Variants in GRIN2A observed in about 807,000 individuals in gnomAD.
GRIN2A encodes glutamate ionotropic receptor NMDA type subunit 2A.
A neutral mutation model predicts 113.4 loss-of-function variants in GRIN2A; 22 were observed. That is an observed-to-expected ratio of 0.19 (90% CI 0.14 to 0.28). The LOEUF (loss-of-function observed/expected upper bound fraction) is 0.28, where lower values mean the gene tolerates loss of function less well. Ranked by LOEUF, GRIN2A falls within the 10% of genes least tolerant of loss-of-function variation. GRIN2A has a pLI of 1.00. For synonymous variants in GRIN2A, 827 were observed against 738.4 expected, an observed-to-expected ratio of 1.12 and a Z score of -1.94; for missense variants, 1,502 against 1,887.0, an observed-to-expected ratio of 0.80 and a Z score of 3.78.
chr16:10,109,014 T>TAAAAAAA, intron 2 of GRIN2A, among the ~76,000 whole-genome samples: 1 of 114,132 alleles, frequency 8.8e-6, no homozygotes, highest in East Asian at 2.5e-4. Flanking sequence ...TGATTCTCTT[T>TAAAAAAA]AAAAAAAAAA....
intron 2 of GRIN2A, among the ~76,000 whole-genome samples, chr16:9,963,452 C>T (rs1381114854): frequency 3.9e-5 from 6 of 152,084 alleles, no homozygotes; most frequent in Middle Eastern, 3.4e-3. Context: ...CCCTGACAGG[C>T]CCCAGTGTGT....
chr16:10,026,505 AG>A (rs201333610), intron 2 of GRIN2A, among the ~76,000 whole-genome samples: 47,254 of 151,114 alleles, frequency 0.31, 8,406 homozygotes, highest in Non-Finnish European at 0.4. Context: ...GAGAGAAAAA[AG>A]AAAGTCCTTC....
At chr16:9,829,789 G>A (rs2042455119) in intron 8 of GRIN2A, 137 bp from the exon 9 acceptor site, 3 of 663,924 alleles carry the variant, frequency 4.5e-6, no homozygotes, top group Non-Finnish European at 8.3e-6. Flanking sequence ...TCCTGTGATT[G>A]CCCTAGAACC....
At chr16:9,871,012 C>G (rs1328449713) in intron 4 of GRIN2A, among the ~76,000 whole-genome samples, 1 of 152,094 alleles carries the variant, frequency 6.6e-6, no homozygotes, top group East Asian at 1.9e-4. Context: ...GCTCTGGACC[C>G]CTCTATTTTC....
At chr16:9,967,007 A>G (rs1318189164) in intron 2 of GRIN2A, among the ~76,000 whole-genome samples, 1 of 152,350 alleles carries the variant, frequency 6.6e-6, no homozygotes, top group African/African-American at 2.4e-5. Context: ...AGTCACTGTT[A>G]AGTTCTCACG....
intron 2 of GRIN2A, among the ~76,000 whole-genome samples, chr16:10,081,247 G>A (rs2047975006): frequency 6.6e-6 from 1 of 152,168 alleles, no homozygotes; most frequent in Non-Finnish European, 1.5e-5. Context: ...AGTGGGAGCT[G>A]ATGCCCTGGA....
rs150983042 is a variant in GRIN2A at position 10,023,172 on chromosome 16, C to T, written c.415-84621G>A. Among the ~76,000 whole-genome samples the T allele has an allele frequency of 3.9e-4, 60 of 152,218 alleles. 1 individual carries two copies. Among genetic ancestry groups the T allele is most frequent in the Admixed American group, 2.6e-3 (39 of 15,286 alleles). ...GAGTCCACTCAGGCTGATCTTAGAC[C>T]GAGTTGGCAACAAACAAAAAGAGGG... is the stretch of plus-strand genomic sequence containing the variant. On this transcript the variant is annotated intron_variant, in intron 2 of 12. Transcript: ENST00000330684.
At position 9,878,891 on chromosome 16, in the gene GRIN2A, GCA is replaced by G. The variant is rs1299507402; in HGVS notation, c.1122+12093_1122+12094del. ...CACACACACACACGCACACACAGTT[GCA>G]CACACACATGCTTTGGGAGATGGCA... On this transcript the variant is annotated intron_variant, in intron 4 of 12. Transcript: ENST00000330684. Among the ~76,000 whole-genome samples the G allele has an allele frequency of 2.6e-5, 4 of 151,530 alleles. No individual in the cohort carries two copies. In the East Asian group the frequency reaches 7.7e-4, roughly 29 times the overall value.
At chr16:10,064,845 A>T (rs1316121488) in intron 2 of GRIN2A, among the ~76,000 whole-genome samples, 1 of 152,194 alleles carries the variant, frequency 6.6e-6, no homozygotes, top group Non-Finnish European at 1.5e-5. Flanking sequence ...TCAGGGCAAG[A>T]TTGATATTCA....
intron 10 of GRIN2A, among the ~76,000 whole-genome samples, chr16:9,817,624 A>T (rs2042209249): frequency 6.6e-6 from 1 of 152,238 alleles, no homozygotes; most frequent in Non-Finnish European, 1.5e-5. Context: ...CTAGAAAGTG[A>T]CTTGGAGAGG....
chr16:9,804,925 G>A (rs981159704), intron 10 of GRIN2A, among the ~76,000 whole-genome samples: 4 of 152,236 alleles, frequency 2.6e-5, no homozygotes, highest in Admixed American at 1.3e-4. Context: ...TAGCAAAGAA[G>A]CAAGGTAAGG....
chr16:9,850,466 A>C (rs1376159126), intron 4 of GRIN2A, among the ~76,000 whole-genome samples: 1 of 152,238 alleles, frequency 6.6e-6, no homozygotes, highest in East Asian at 1.9e-4. Context: ...GAAAGGCAAA[A>C]GCACAACATA....
At chr16:9,962,556 C>T (rs2045463947) in intron 2 of GRIN2A, among the ~76,000 whole-genome samples, 1 of 152,038 alleles carries the variant, frequency 6.6e-6, no homozygotes, top group Non-Finnish European at 1.5e-5. Flanking sequence ...ATCAAAACCA[C>T]AATGAGATAC....
chr16:9,778,472 G>C (rs1302079877), intron 11 of GRIN2A, among the ~76,000 whole-genome samples: 3 of 152,178 alleles, frequency 2.0e-5, no homozygotes, highest in Non-Finnish European at 2.9e-5. Context: ...ATCATGGGAA[G>C]GTTATGAGGA....
At chr16:10,012,987 G>A (rs1292568958) in intron 2 of GRIN2A, among the ~76,000 whole-genome samples, 3 of 152,096 alleles carry the variant, frequency 2.0e-5, no homozygotes, top group East Asian at 1.9e-4. Flanking sequence ...CTAGAAAGCT[G>A]GCCCAATTTA....
chr16:9,868,439 G>C (rs1346347659), intron 4 of GRIN2A, among the ~76,000 whole-genome samples: 1 of 152,082 alleles, frequency 6.6e-6, no homozygotes, highest in African/African-American at 2.4e-5. Flanking sequence ...GGTAATTTTT[G>C]TATTTTTAGT....
intron 11 of GRIN2A, among the ~76,000 whole-genome samples, chr16:9,770,159 C>G (rs1469423321): frequency 1.3e-5 from 2 of 152,168 alleles, no homozygotes; most frequent in African/African-American, 4.8e-5. Context: ...TAGCAATTCA[C>G]TAAACTATGG....
At chr16:10,155,072 G>T (rs962671971) in intron 2 of GRIN2A, among the ~76,000 whole-genome samples, 16 of 152,202 alleles carry the variant, frequency 1.1e-4, no homozygotes, top group Non-Finnish European at 1.6e-4. Context: ...AGGATCCCAT[G>T]ATGTACAGCA....
intron 2 of GRIN2A, 80 bp downstream of exon 2, chr16:10,179,918 G>A (rs1386938725): frequency 9.7e-7 from 1 of 1,030,302 alleles, no homozygotes; most frequent in Non-Finnish European, 1.5e-6. Flanking sequence ...CAGATTCTAG[G>A]GGCGTCCGAA....
Sources: gnomAD v4.1 joint callset for allele counts (sites outside exome capture counted in the v4.1 genomes callset) on GRCh38, gnomAD v4.1.1 for gene constraint, MANE v1.5 for transcripts, NCBI Gene and HGNC (gene_info 2026-07-23, HGNC 2026-07-21) for gene names.